Variants in INPP4B observed in about 807,000 individuals in gnomAD.
The protein encoded by INPP4B is inositol polyphosphate 4-phosphatase type II.
Under a neutral mutation model 122.5 loss-of-function variants are expected in INPP4B, and 55 were observed. That is an observed-to-expected ratio of 0.45 (90% confidence interval 0.36 to 0.56). The LOEUF is 0.56. Ranked by LOEUF, INPP4B falls within the 20% of genes least tolerant of loss-of-function variation. The pLI is 0.00. For synonymous variants in INPP4B, 403 were observed against 388.7 expected (o/e 1.04, Z -0.43); for missense variants, 1,000 against 1,097.7 (o/e 0.91, Z 1.26).
intron 11 of INPP4B, among the ~76,000 whole-genome samples, chr4:142,248,849 A>C (rs1041345846): frequency 6.6e-6 from 1 of 152,080 alleles, no homozygotes; most frequent in Non-Finnish European, 1.5e-5. Context: ...AACTGATTGG[A>C]GATTTCTAGA....
chr4:142,177,726 T>C (rs1403116122), intron 15 of INPP4B, among the ~76,000 whole-genome samples: 1 of 152,088 alleles, frequency 6.6e-6, no homozygotes, highest in Non-Finnish European at 1.5e-5. Context: ...CACGTTTGTG[T>C]GTGTATATGT....
At chr4:142,387,810 G>A (rs1423477332) in intron 7 of INPP4B, among the ~76,000 whole-genome samples, 1 of 152,018 alleles carries the variant, frequency 6.6e-6, no homozygotes, top group African/African-American at 2.4e-5. Flanking sequence ...TCATACAGAG[G>A]GGTACCTTAG....
At chr4:142,408,708 TTTTG>T (rs1803972522) in intron 5 of INPP4B, among the ~76,000 whole-genome samples, 1 of 152,188 alleles carries the variant, frequency 6.6e-6, no homozygotes, top group Non-Finnish European at 1.5e-5. Flanking sequence ...TTCTGTTTCG[TTTTG>T]TTTATTTAAG....
intron 18 of INPP4B, among the ~76,000 whole-genome samples, chr4:142,128,342 TACACACACACACACAC>T (rs3836673): frequency 1.2e-4 from 17 of 147,566 alleles, no homozygotes; most frequent in East Asian, 6.2e-4. Context: ...CGTACTTTTA[TACACACACACACACAC>T]ACACACACAC....
At position 142,183,917 on chromosome 4, in the gene INPP4B, T is replaced by C. The variant is rs13143110; in HGVS notation, c.1181+9170A>G. 9.6e-3 allele frequency among the ~76,000 whole-genome samples: 1,459 copies of C among 152,292 alleles called. 11 individuals are homozygous for C. The highest frequency in any genetic ancestry group is 0.037 in the Middle Eastern group (11 of 294). On this transcript the variant is annotated intron_variant, in intron 15 of 25. Transcript: ENST00000262992. ...CCCTAATCTTCTTGTTGATTTTTTT[T>C]TCTGATATATCTCTAGGTGTACACA...
intron 7 of INPP4B, among the ~76,000 whole-genome samples, chr4:142,323,746 ATCT>A (rs1771199894): frequency 6.7e-6 from 1 of 149,658 alleles, no homozygotes; most frequent in African/African-American, 2.5e-5. Flanking sequence ...CGCCCAGCAG[ATCT>A]TTTTTTTTTT....
chr4:142,269,731 C>T (rs1315911851), intron 10 of INPP4B, among the ~76,000 whole-genome samples: 1 of 152,032 alleles, frequency 6.6e-6, no homozygotes, highest in Admixed American at 6.5e-5. Flanking sequence ...ACCACACACA[C>T]AAAATAAGTA....
At chr4:142,702,730 C>CAAAAAAAAAAAAAAAAAAAAAAAAAAA (rs35472471) in intron 2 of INPP4B, among the ~76,000 whole-genome samples, 1 of 64,324 alleles carries the variant, frequency 1.6e-5, no homozygotes, top group African/African-American at 6.1e-5. Flanking sequence ...AACTCCGTCT[C>CAAAAAAAAAAAAAAAAAAAAAAAAAAA]AAAAAAAAAA....
At chr4:142,463,757 C>A (rs929271841) in intron 2 of INPP4B, among the ~76,000 whole-genome samples, 5 of 152,010 alleles carry the variant, frequency 3.3e-5, no homozygotes, top group Non-Finnish European at 7.4e-5. Context: ...TTTATAAGAT[C>A]TTCCCCCTTT....
At chr4:142,691,868 A>G (rs1278422615) in intron 2 of INPP4B, among the ~76,000 whole-genome samples, 1 of 152,206 alleles carries the variant, frequency 6.6e-6, no homozygotes, top group Non-Finnish European at 1.5e-5. Context: ...GACCATGTTC[A>G]GGCAGGTTCT....
intron 14 of INPP4B, among the ~76,000 whole-genome samples, chr4:142,196,768 C>T (rs1434546727): frequency 6.6e-6 from 1 of 152,002 alleles, no homozygotes; most frequent in Non-Finnish European, 1.5e-5. Context: ...AACATTAAAA[C>T]ATCTCAAGGC....
chr4:142,243,413 A>T (rs1436566711), intron 11 of INPP4B, among the ~76,000 whole-genome samples: 1 of 152,220 alleles, frequency 6.6e-6, no homozygotes, highest in Non-Finnish European at 1.5e-5. Context: ...TAATGAAAAC[A>T]TATGGAAATT....
intron 2 of INPP4B, among the ~76,000 whole-genome samples, chr4:142,646,391 T>A (rs1427161291): frequency 1.3e-5 from 2 of 152,086 alleles, no homozygotes; most frequent in African/African-American, 2.4e-5. Flanking sequence ...AAAAAAAGAT[T>A]ACAGGCAAAA....
intron 18 of INPP4B, 56 bp downstream of exon 18, chr4:142,145,784 C>G (rs557134169): frequency 9.2e-6 from 14 of 1,520,284 alleles, no homozygotes; most frequent in Non-Finnish European, 9.0e-6. Context: ...TTTTTTTTCA[C>G]GAGTTTCTCA....
intron 1 of INPP4B, among the ~76,000 whole-genome samples, chr4:142,727,853 G>C (rs1298538317): frequency 6.6e-6 from 1 of 152,178 alleles, no homozygotes; most frequent in Admixed American, 6.5e-5. Context: ...ACTCCAGCTT[G>C]GGCAACAGAA....
intron 1 of INPP4B, among the ~76,000 whole-genome samples, chr4:142,798,516 A>G (rs1476192677): frequency 6.6e-6 from 1 of 151,926 alleles, no homozygotes; most frequent in Non-Finnish European, 1.5e-5. Flanking sequence ...AATATGTAGG[A>G]AAGAGGAGAG....
chr4:142,692,134 C>T (rs1170493496), intron 2 of INPP4B, among the ~76,000 whole-genome samples: 3 of 152,186 alleles, frequency 2.0e-5, no homozygotes, highest in Non-Finnish European at 2.9e-5. Flanking sequence ...CAAGGGGACC[C>T]TTCCACTTTG....
chr4:142,246,107 CAT>C lies in INPP4B; in HGVS notation c.689-8098_689-8097del, dbSNP rs1482743999. On this transcript the variant is annotated intron_variant, in intron 11 of 25. Transcript: ENST00000262992. Reference sequence around the variant, plus strand: ...ATATATATGTGTGTGTGTATACACACATATATATATGTGTATGTATACACACA... The same window carrying C: ...ATATATATGTGTGTGTGTATACACACATATATATGTGTATGTATACACACA... Among the ~76,000 whole-genome samples, 35 of 145,788 alleles carry C rather than the reference CAT, an allele frequency of 2.4e-4. 1 individual carries two copies. Among genetic ancestry groups the C allele is most frequent in the South Asian group, 1.3e-3 (6 of 4,680 alleles).
chr4:142,363,691 T>C (rs1321865850), intron 7 of INPP4B, among the ~76,000 whole-genome samples: 1 of 152,070 alleles, frequency 6.6e-6, no homozygotes, highest in African/African-American at 2.4e-5. Flanking sequence ...GAGCACAAAG[T>C]CATCTCCTCT....
Sources: gnomAD v4.1 joint callset for allele counts (sites outside exome capture counted in the v4.1 genomes callset) on GRCh38, gnomAD v4.1.1 for gene constraint, MANE v1.5 for transcripts, NCBI Gene and HGNC (gene_info 2026-07-23, HGNC 2026-07-21) for gene names.